CSRNP3: variants seen among roughly 807,000 people sequenced by gnomAD.
The protein encoded by CSRNP3 is cysteine/serine-rich nuclear protein 3.
A neutral mutation model predicts 48.0 loss-of-function variants in CSRNP3; 12 were observed. That is an observed-to-expected ratio of 0.25 (90% CI 0.16 to 0.41). The LOEUF is 0.41. CSRNP3 is among the 10% of genes least tolerant of loss of function. The probability of loss-of-function intolerance (pLI) is 1.00; values close to 1 mark genes in which losing one functional copy is unlikely to be tolerated. For synonymous variants in CSRNP3, 263 were observed against 269.7 expected, an observed-to-expected ratio of 0.98 and a Z score of 0.24; for missense variants, 580 against 724.4, an observed-to-expected ratio of 0.80 and a Z score of 2.29.
chr2:165,624,396 T>C (rs1573926600), intron 4 of CSRNP3, among the ~76,000 whole-genome samples: 1 of 152,200 alleles, frequency 6.6e-6, no homozygotes, highest in East Asian at 1.9e-4. Context: ...CAGTCCTTTT[T>C]TCTTCCTGAA....
intron 4 of CSRNP3, among the ~76,000 whole-genome samples, chr2:165,637,398 T>C (rs1399517130): frequency 6.6e-6 from 1 of 152,210 alleles, no homozygotes; most frequent in African/African-American, 2.4e-5. Context: ...AGATTAATTG[T>C]ATACCTGGCA....
At chr2:165,654,838 C>T (rs1686975404) in intron 4 of CSRNP3, among the ~76,000 whole-genome samples, 1 of 152,148 alleles carries the variant, frequency 6.6e-6, no homozygotes, top group Admixed American at 6.5e-5. Context: ...CCATGTTAGC[C>T]AGGATGGTCT....
intron 1 of CSRNP3, among the ~76,000 whole-genome samples, chr2:165,470,150 T>C (rs1397941037): frequency 1.3e-5 from 2 of 152,126 alleles, no homozygotes; most frequent in Non-Finnish European, 2.9e-5. Flanking sequence ...TCTGTGAATA[T>C]ACAATATAAA....
At position 165,679,861 on chromosome 2, in the gene CSRNP3, G is replaced by A. The variant is rs1443549115; in HGVS notation, c.*108G>A. ...AACTGAAGACCAAGAAAACTTGGACGGTGGTTAATCTTCCAGACTGTATTT... is the reference window on the plus strand; with the variant it reads ...AACTGAAGACCAAGAAAACTTGGACAGTGGTTAATCTTCCAGACTGTATTT... On this transcript the variant is annotated 3_prime_UTR_variant, in exon 7 of 7. Transcript: ENST00000651982. 1.3e-5 allele frequency: 19 copies of A among 1,456,718 alleles called. No individual in the cohort carries two copies. Among genetic ancestry groups the A allele is most frequent in the East Asian group, 4.6e-5 (2 of 43,760 alleles). The allele number at this position is 1,456,718 out of a possible 1,614,324, so 90.2% of individuals were successfully genotyped here.
At chr2:165,638,299 T>A (rs1686665230) in intron 4 of CSRNP3, among the ~76,000 whole-genome samples, 1 of 152,106 alleles carries the variant, frequency 6.6e-6, no homozygotes. Context: ...CCGTCCCTAC[T>A]AAAAATACAA....
intron 5 of CSRNP3, among the ~76,000 whole-genome samples, chr2:165,674,678 C>A (rs1687389608): frequency 1.4e-5 from 1 of 73,304 alleles, no homozygotes; most frequent in Admixed American, 1.7e-4. Flanking sequence ...ATAAATACTT[C>A]TGAATATATA....
Position 165,507,384 on chromosome 2 carries a change from A to G in CSRNP3, c.-112-10489A>G, listed in dbSNP as rs78990954. On this transcript the variant is annotated intron_variant, in intron 2 of 6. Transcript: ENST00000651982. ...GTACCCCAGAACCTAAGCATCTTTTATTACATCATCATGCCACTAATATTT... is the reference window on the plus strand; with the variant it reads ...GTACCCCAGAACCTAAGCATCTTTTGTTACATCATCATGCCACTAATATTT... Among the ~76,000 whole-genome samples the G allele has an allele frequency of 1.3e-3, 205 of 152,252 alleles. 3 individuals carry two copies. In the East Asian group the frequency reaches 0.036, roughly 27 times the overall value.
intron 4 of CSRNP3, among the ~76,000 whole-genome samples, chr2:165,604,883 C>T (rs985807110): frequency 1.3e-5 from 2 of 152,174 alleles, no homozygotes; most frequent in Non-Finnish European, 2.9e-5. Flanking sequence ...AAAATAGTAA[C>T]ATTTGATTTA....
intron 4 of CSRNP3, among the ~76,000 whole-genome samples, chr2:165,640,896 A>G (rs1686711547): frequency 1.3e-5 from 2 of 152,336 alleles, no homozygotes; most frequent in Admixed American, 6.5e-5. Flanking sequence ...AGTTTTACCT[A>G]TTTAAACTAT....
chr2:165,570,452 T>C (rs1335144247), intron 3 of CSRNP3, among the ~76,000 whole-genome samples: 2 of 152,120 alleles, frequency 1.3e-5, no homozygotes, highest in Non-Finnish European at 2.9e-5. Flanking sequence ...AAATTTCACA[T>C]ATATGTGGAT....
chr2:165,520,930 T>TG (rs1684651853), intron 3 of CSRNP3, among the ~76,000 whole-genome samples: 1 of 149,918 alleles, frequency 6.7e-6, no homozygotes, highest in African/African-American at 2.4e-5. Flanking sequence ...TGGGCTCAAG[T>TG]GATTCTTCTG....
intron 3 of CSRNP3, among the ~76,000 whole-genome samples, chr2:165,577,867 T>C (rs1348203497): frequency 1.3e-5 from 2 of 151,986 alleles, no homozygotes; most frequent in Non-Finnish European, 2.9e-5. Context: ...CCTTTCTCCA[T>C]ATTTCTCGTA....
rs558427338 is a variant in CSRNP3, at chr2:165,496,905, T to A, written c.-113+1977T>A. Among the ~76,000 whole-genome samples, 1,122 of 152,134 alleles carry A rather than the reference T, an allele frequency of 7.4e-3. 13 individuals carry two copies. Among genetic ancestry groups the A allele is most frequent in the African/African-American group, 0.025 (1,056 of 41,508 alleles). On this transcript the variant is annotated intron_variant, in intron 2 of 6. Transcript: ENST00000651982. ...GGACTTCTCTATGCAAGACACTTAT[T>A]GATTTCTATAGCTTGTAAGTTCACA... is the stretch of plus-strand genomic sequence containing the variant.
At chr2:165,582,252 C>T (rs964435988) in intron 3 of CSRNP3, among the ~76,000 whole-genome samples, 35 of 152,172 alleles carry the variant, frequency 2.3e-4, no homozygotes, top group African/African-American at 6.3e-4. Flanking sequence ...TTACAGAGAA[C>T]GGTTACAAAG....
At chr2:165,521,164 T>G (rs17196365) in intron 3 of CSRNP3, among the ~76,000 whole-genome samples, 1 of 148,276 alleles carries the variant, frequency 6.7e-6, no homozygotes. Context: ...TTGTCTGTTA[T>G]GGGAAAGCCA....
intron 2 of CSRNP3, among the ~76,000 whole-genome samples, chr2:165,516,302 T>A (rs1684581749): frequency 1.3e-5 from 2 of 152,160 alleles, no homozygotes; most frequent in Admixed American, 6.5e-5. Context: ...TGATTCAAGT[T>A]ATATCTTCAT....
intron 3 of CSRNP3, among the ~76,000 whole-genome samples, chr2:165,565,041 C>A (rs1011240154): frequency 6.6e-6 from 1 of 151,950 alleles, no homozygotes; most frequent in Non-Finnish European, 1.5e-5. Flanking sequence ...AGCAGTATAA[C>A]GCTCAATTTT....
At chr2:165,572,447 G>A (rs1352275808) in intron 3 of CSRNP3, 3 of 152,102 alleles carry the variant, frequency 2.0e-5, no homozygotes, top group African/African-American at 7.2e-5. Context: ...TAAAACACAG[G>A]GCTGGGAAAT....
intron 2 of CSRNP3, among the ~76,000 whole-genome samples, chr2:165,516,873 A>C (rs1263835074): frequency 6.6e-6 from 1 of 152,146 alleles, no homozygotes; most frequent in African/African-American, 2.4e-5. Flanking sequence ...AATTTGCCTG[A>C]GACAAATTTT....
Sources: gnomAD v4.1 joint callset for allele counts (sites outside exome capture counted in the v4.1 genomes callset) on GRCh38, gnomAD v4.1.1 for gene constraint, MANE v1.5 for transcripts, NCBI Gene and HGNC (gene_info 2026-07-23, HGNC 2026-07-21) for gene names.